WNT6: variants seen among roughly 807,000 people sequenced by gnomAD.
The protein encoded by WNT6 is Wnt family member 6, also known as protein Wnt-6.
WNT6 carries 27 observed loss-of-function variants against 33.1 expected under a neutral mutation model. The observed-to-expected ratio is 0.82, with a 90% CI of 0.60 to 1.12. The LOEUF is 1.12. WNT6 is among the 50% of genes most tolerant of loss of function. The pLI is 0.00. For missense variants in WNT6, 494 were observed against 535.3 expected (o/e 0.92, Z 0.76); for synonymous variants, 249 against 242.8 (o/e 1.03, Z -0.24).
intron 1 of WNT6, among the ~76,000 whole-genome samples, chr2:218,869,350 G>A (rs947876809): frequency 3.3e-5 from 5 of 152,192 alleles, no homozygotes; most frequent in Non-Finnish European, 7.3e-5. Context: ...AGTGTTGAGA[G>A]TTCTACCTTA....
In WNT6 at chr2:218,873,781, A is replaced by G. The variant is rs1038351907; in HGVS notation, c.1034A>G (p.His345Arg). 6.3e-7 allele frequency: 1 copy of G among 1,587,604 alleles called. No homozygotes were observed. The highest frequency in any genetic ancestry group is 8.5e-7 in the Non-Finnish European group (1 of 1,173,308). ...QLEENCLCRF[H>R]WCCVVQCHRC... ...GAAGAGAACTGCCTGTGCCGCTTCC[A>G]CTGGTGCTGCGTAGTACAGTGCCAC... The change falls in exon 4 of 4, where the codon CAC becomes CGC. Residue 345 changes from histidine to arginine, a missense_variant. Transcript: ENST00000233948. The surrounding 1 kb of genome is among the most constrained non-coding windows in gnomAD (Gnocchi z 6.1).
chr2:218,873,402 C>CG lies in WNT6; in HGVS notation c.656dup (p.Thr220HisfsTer93). 1 of 1,536,442 alleles carries CG rather than the reference C, an allele frequency of 6.5e-7. No homozygotes were observed. The highest frequency in any genetic ancestry group is 2.4e-5 in the East Asian group (1 of 40,866). On this transcript the variant is annotated frameshift_variant, in exon 4 of 4. Transcript: ENST00000233948. LOFTEE classifies it high-confidence loss of function. This position sits in a 1 kb window ranked among gnomAD's most constrained non-coding sequence, Gnocchi z 6.1. Reference sequence around the variant, plus strand: ...CCCGCAGGCCGTGCGGAGCCACACGCGCACCGAGTGCAAATGCCACGGGCT... The same window carrying CG: ...CCCGCAGGCCGTGCGGAGCCACACGCGGCACCGAGTGCAAATGCCACGGGCT...
rs1164962396 is a variant in WNT6 at position 218,873,505 on chromosome 2, G to C, written c.758G>C (p.Arg253Pro). Residue 253 changes from arginine (R) to proline (P), a missense_variant, in exon 4 of 4, where the codon CGC becomes CCC. Arg to Pro is a moderately radical substitution (Grantham distance 103). Transcript: ENST00000233948. The surrounding 1 kb of genome is among the most constrained non-coding windows in gnomAD (Gnocchi z 6.1). ...GAGGTGGGCGCGCGGCTGCTGGAGCGCTTCCACGGCGCCTCACGCGTCATG... is the reference window on the plus strand; with the variant it reads ...GAGGTGGGCGCGCGGCTGCTGGAGCCCTTCCACGGCGCCTCACGCGTCATG... ...FREVGARLLERFHGASRVMGT... is the reference protein window; with the variant it reads ...FREVGARLLEPFHGASRVMGT... 6.5e-7 allele frequency: 1 copy of C among 1,538,504 alleles called. No individual in the cohort carries two copies. Among genetic ancestry groups the C allele is most frequent in the Non-Finnish European group, 8.7e-7 (1 of 1,146,484 alleles).
chr2:218,873,305 C>G lies in WNT6; in HGVS notation c.637-79C>G. 1 of 1,377,936 alleles carries G rather than the reference C, an allele frequency of 7.3e-7. No homozygotes were observed. Among genetic ancestry groups the G allele is most frequent in the Non-Finnish European group, 9.7e-7 (1 of 1,026,600 alleles). The allele number at this position is 1,377,936 out of a possible 1,614,324, so 85.4% of individuals were successfully genotyped here. A position where few individuals can be genotyped will look rare whatever the true frequency, so the allele number is the denominator to read the frequency against. ...CTTCCTTTCACCTCCCATTCCCAAT[C>G]TTATTTTCTGTCCATCCGCTGGGCC... is the stretch of plus-strand genomic sequence containing the variant. On this transcript the variant is annotated intron_variant, in intron 3 of 3. Coordinates refer to ENST00000233948, the MANE Select transcript of WNT6 (RefSeq NM_006522.4). This position sits in a 1 kb window ranked among gnomAD's most constrained non-coding sequence, Gnocchi z 6.1.
At chr2:218,869,999 C>T (rs900598369) in intron 1 of WNT6, among the ~76,000 whole-genome samples, 1 of 152,194 alleles carries the variant, frequency 6.6e-6, no homozygotes, top group African/African-American at 2.4e-5. Flanking sequence ...GCAGGCAGAT[C>T]ACCTGAAGTC....
chr2:218,873,662 G>C lies in WNT6; in HGVS notation c.915G>C (p.Thr305=), dbSNP rs538264811. ...APNRRTGSPG[T]RGRACNSSAP... The stretch of plus-strand genomic sequence containing the variant: ...ACCGACGCACCGGCTCCCCCGGCAC[G>C]CGCGGTCGCGCCTGCAATAGCAGCG... Residue 305 remains threonine, a synonymous_variant, in exon 4 of 4, where the codon ACG becomes ACC. Coordinates refer to ENST00000233948, the MANE Select transcript of WNT6 (RefSeq NM_006522.4). The surrounding 1 kb of genome is among the most constrained non-coding windows in gnomAD (Gnocchi z 6.1). 3.2e-5 allele frequency: 50 copies of C among 1,582,036 alleles called. No individual in the cohort carries two copies. Among genetic ancestry groups the C allele is most frequent in the South Asian group, 2.6e-4 (23 of 88,542 alleles).
In WNT6 at chr2:218,871,853, G is replaced by T; in HGVS notation, c.636+34G>T. ...GGGCAGGATGGAGTGAGTGTGTGCG[G>T]AAATGTGAGTGTGCGCGCAGGAGTG... On this transcript the variant is annotated intron_variant, in intron 3 of 3. Coordinates refer to ENST00000233948, the MANE Select transcript of WNT6 (RefSeq NM_006522.4). The surrounding 1 kb of genome is among the most constrained non-coding windows in gnomAD (Gnocchi z 6.4). 1 of 1,532,872 alleles carries T rather than the reference G, an allele frequency of 6.5e-7. No individual in the cohort carries two copies. 95.0% of individuals were successfully genotyped at this position (1,532,872 alleles called of 1,614,324 possible).
intron 1 of WNT6, among the ~76,000 whole-genome samples, chr2:218,864,097 T>A (rs1944333066): frequency 6.6e-6 from 1 of 152,124 alleles, no homozygotes; most frequent in Non-Finnish European, 1.5e-5. Context: ...TCCGCTCTGC[T>A]CCTTGCTCCG....
intron 1 of WNT6, among the ~76,000 whole-genome samples, chr2:218,863,087 G>A (rs1559407037): frequency 6.6e-6 from 1 of 152,132 alleles, no homozygotes; most frequent in Non-Finnish European, 1.5e-5. Flanking sequence ...TTACACTCCT[G>A]AGCTCTCCCC....
intron 1 of WNT6, among the ~76,000 whole-genome samples, chr2:218,870,629 A>G (rs553625241): frequency 3.3e-5 from 5 of 152,374 alleles, no homozygotes; most frequent in South Asian, 4.1e-4. Flanking sequence ...TTGACGACAC[A>G]TGAATTTCCT....
At position 218,873,749 on chromosome 2, in the gene WNT6, G is replaced by A. The variant is rs1380928098; in HGVS notation, c.1002G>A (p.Val334=). The A allele has an allele frequency of 4.4e-6, 7 of 1,582,944 alleles. No individual in the cohort carries two copies. The highest frequency in any genetic ancestry group is 6.0e-6 in the Non-Finnish European group (7 of 1,170,850). Residue 334 remains valine, a synonymous_variant, in exon 4 of 4, where the codon GTG becomes GTA. Coordinates refer to ENST00000233948, the MANE Select transcript of WNT6 (RefSeq NM_006522.4). The surrounding 1 kb of genome is among the most constrained non-coding windows in gnomAD (Gnocchi z 6.1). Reference sequence around the variant, plus strand: ...GCCGCGGGCACCGCCAGGAGAGCGTGCAGCTCGAAGAGAACTGCCTGTGCC... The same window carrying A: ...GCCGCGGGCACCGCCAGGAGAGCGTACAGCTCGAAGAGAACTGCCTGTGCC... The part of the protein sequence containing the change: ...CCGRGHRQES[V]QLEENCLCRF...
In WNT6 at chr2:218,870,914, T is replaced by C. The variant is rs1268090219; in HGVS notation, c.81-113T>C. 3 of 950,596 alleles carry C rather than the reference T, an allele frequency of 3.2e-6. No homozygotes were observed. The Admixed American group carries it at 7.1e-5, about 23-fold the overall frequency. The allele number at this position is 950,596 out of a possible 1,614,324, so 58.9% of individuals were successfully genotyped here. A position where few individuals can be genotyped will look rare whatever the true frequency, so the allele number is the denominator to read the frequency against. Reference sequence around the variant, plus strand: ...TCTCAAGCTCAGTTTGGAGGTAGGGTGGGAGGGCATGTCACAGCTCCCGCT... The same window carrying C: ...TCTCAAGCTCAGTTTGGAGGTAGGGCGGGAGGGCATGTCACAGCTCCCGCT... On this transcript the variant is annotated intron_variant, in intron 1 of 3. Transcript: ENST00000233948.
rs1363628520 is a variant in WNT6, at chr2:218,871,718, G to C, written c.535G>C (p.Gly179Arg). 1 of 1,593,024 alleles carries C rather than the reference G, an allele frequency of 6.3e-7. No homozygotes were observed. The highest frequency in any genetic ancestry group is 1.4e-5 in the African/African-American group (1 of 72,824). The stretch of plus-strand genomic sequence containing the variant: ...AGGCTGCGGCGACGACGTGGACTTC[G>C]GGGACGAGAAGTCGAGGCTCTTTAT... ...WGGCGDDVDF[G>R]DEKSRLFMDA... Residue 179 changes from glycine (G) to arginine (R), a missense_variant, in exon 3 of 4, where the codon GGG becomes CGG. Transcript: ENST00000233948. The surrounding 1 kb of genome is among the most constrained non-coding windows in gnomAD (Gnocchi z 6.4).
rs550764516 is a variant in WNT6, at chr2:218,871,302, G to A, written c.301+55G>A. On this transcript the variant is annotated intron_variant, in intron 2 of 3. Coordinates refer to ENST00000233948, the MANE Select transcript of WNT6 (RefSeq NM_006522.4). This position sits in a 1 kb window ranked among gnomAD's most constrained non-coding sequence, Gnocchi z 6.4. ...CTGCTTTCTCCCTGCTGTGGGACCC[G>A]AGGAGAGGAGAACTGGTTCGCTGAA... is the stretch of plus-strand genomic sequence containing the variant. 5 of 1,558,914 alleles carry A rather than the reference G, an allele frequency of 3.2e-6. No homozygotes were observed. Among genetic ancestry groups the A allele is most frequent in the African/African-American group, 2.7e-5 (2 of 73,900 alleles).
Position 218,873,074 on chromosome 2 carries a change from C to T in WNT6, c.637-310C>T, listed in dbSNP as rs567665872. 1.6e-4 allele frequency among the ~76,000 whole-genome samples: 25 copies of T among 152,232 alleles called. No individual in the cohort carries two copies. Among genetic ancestry groups the T allele is most frequent in the Admixed American group, 1.4e-3 (22 of 15,304 alleles). ...CTCTCCCCTCCTCCAAAGAGAATCT[C>T]ACCCCTGCTGTCCATTCTGCTTTCT... is the stretch of plus-strand genomic sequence containing the variant. On this transcript the variant is annotated intron_variant, in intron 3 of 3. Transcript: ENST00000233948. The surrounding 1 kb of genome is among the most constrained non-coding windows in gnomAD (Gnocchi z 6.1).
At chr2:218,861,068 G>A (rs1181111948) in intron 1 of WNT6, among the ~76,000 whole-genome samples, 1 of 152,208 alleles carries the variant, frequency 6.6e-6, no homozygotes, top group Non-Finnish European at 1.5e-5. Context: ...TCCTAAGAAG[G>A]CAGGGTCGTG....
chr2:218,871,927 C>T lies in WNT6; in HGVS notation c.636+108C>T. 3 of 976,274 alleles carry T rather than the reference C, an allele frequency of 3.1e-6. No individual in the cohort carries two copies. The highest frequency in any genetic ancestry group is 3.5e-5 in the South Asian group (1 of 28,960). 60.5% of individuals were successfully genotyped at this position (976,274 alleles called of 1,614,324 possible). On this transcript the variant is annotated intron_variant, in intron 3 of 3. Transcript: ENST00000233948. This position sits in a 1 kb window ranked among gnomAD's most constrained non-coding sequence, Gnocchi z 6.4. ...GTGAGGGTGTGTAGGTGGAGGGGGG[C>T]GTTAATGTGTGGGGGAGTGCGCACG...
chr2:218,865,866 G>C (rs867094834), intron 1 of WNT6, among the ~76,000 whole-genome samples: 2 of 151,040 alleles, frequency 1.3e-5, no homozygotes, highest in African/African-American at 2.4e-5. Context: ...GAGTGATGAG[G>C]AGAGATGGTG....
chr2:218,871,347 C>A lies in WNT6; in HGVS notation c.301+100C>A. 6.7e-7 allele frequency: 1 copy of A among 1,486,088 alleles called. No homozygotes were observed. The highest frequency in any genetic ancestry group is 9.2e-7 in the Non-Finnish European group (1 of 1,091,416). 92.1% of individuals were successfully genotyped at this position (1,486,088 alleles called of 1,614,324 possible). A position where few individuals can be genotyped will look rare whatever the true frequency, so the allele number is the denominator to read the frequency against. Reference sequence around the variant, plus strand: ...GCTGAAGTTGCCTGAGCCCCACTTCCCCCTCACATGTGTCTGGGCACCCTG... The same window carrying A: ...GCTGAAGTTGCCTGAGCCCCACTTCACCCTCACATGTGTCTGGGCACCCTG... On this transcript the variant is annotated intron_variant, in intron 2 of 3. Coordinates refer to ENST00000233948, the MANE Select transcript of WNT6 (RefSeq NM_006522.4). The surrounding 1 kb of genome is among the most constrained non-coding windows in gnomAD (Gnocchi z 6.4).
Sources: allele counts gnomAD v4.1 joint callset (sites outside exome capture counted in the v4.1 genomes callset), GRCh38; gene constraint gnomAD v4.1.1; non-coding constraint Gnocchi (gnomAD v3.1); transcripts MANE v1.5; gene names NCBI Gene and HGNC (gene_info 2026-07-23, HGNC 2026-07-21).